RIN3: variants seen among roughly 807,000 people sequenced by gnomAD.
RIN3 encodes the protein RAB5 interacting protein 3.
In RIN3, 54 loss-of-function variants were observed where a neutral mutation model predicts 76.3. That is an observed-to-expected ratio of 0.71 (90% CI 0.57 to 0.89). RIN3 has a LOEUF of 0.89. Ranked by LOEUF, RIN3 falls within the 40% of genes least tolerant of loss-of-function variation. The pLI, the probability that RIN3 is intolerant of heterozygous loss-of-function variation, is 0.00. For missense variants in RIN3, 1,256 were observed against 1,322.1 expected (o/e 0.95, Z 0.78); for synonymous variants, 576 against 564.0 (o/e 1.02, Z -0.30).
At chr14:92,547,975 A>T (rs1897326718) in intron 1 of RIN3, among the ~76,000 whole-genome samples, 1 of 152,288 alleles carries the variant, frequency 6.6e-6, no homozygotes, top group Admixed American at 6.5e-5. Flanking sequence ...AAGTGCTGGG[A>T]TTACAGGCAT....
chr14:92,685,133 T>C lies in RIN3; in HGVS notation c.2614T>C (p.Ser872Pro). 6.2e-7 allele frequency: 1 copy of C among 1,611,574 alleles called. No individual in the cohort carries two copies. Among genetic ancestry groups the C allele is most frequent in the East Asian group, 2.2e-5 (1 of 44,810 alleles). The change falls in exon 9 of 10, where the codon TCC becomes CCC. Residue 872 changes from serine (S) to proline (P), a missense_variant. By Grantham distance (74) the Ser-to-Pro change is moderately conservative (BLOSUM62 -1). Coordinates refer to ENST00000216487, the MANE Select transcript of RIN3 (RefSeq NM_024832.5). This position sits in a 1 kb window ranked among gnomAD's most constrained non-coding sequence, Gnocchi z 4.7. ...GCGTACTCTCAACAAGGCCCGGGCC[T>C]CCCGCTCCTCCGTACAGGTGAGGCC... ...RRRTLNKARASRSSVQDFICV... is the reference protein window; with the variant it reads ...RRRTLNKARAPRSSVQDFICV...
intron 1 of RIN3, among the ~76,000 whole-genome samples, chr14:92,533,606 G>A (rs909920291): frequency 2.0e-5 from 3 of 152,114 alleles, no homozygotes; most frequent in African/African-American, 4.8e-5. Flanking sequence ...TCTAAGTGAA[G>A]TAACTCAGGG....
At position 92,685,429 on chromosome 14, in the gene RIN3, C is replaced by A. The variant is rs1011609842; in HGVS notation, c.2631+279C>A. 1 of 426,930 alleles carries A rather than the reference C, an allele frequency of 2.3e-6. No homozygotes were observed. The highest frequency in any genetic ancestry group is 4.3e-6 in the Non-Finnish European group (1 of 230,902). 26.4% of individuals were successfully genotyped at this position (426,930 alleles called of 1,614,324 possible). ...GAGGAATGAGACACACCCATCATTC[C>A]TTAGCCCCTCCTAGGACCCAGCACC... On this transcript the variant is annotated intron_variant, in intron 9 of 9. Transcript: ENST00000216487. This position sits in a 1 kb window ranked among gnomAD's most constrained non-coding sequence, Gnocchi z 4.7.
At position 92,642,247 on chromosome 14, in the gene RIN3, C is replaced by T. The variant is rs143195095; in HGVS notation, c.532+918C>T. Among the ~76,000 whole-genome samples the T allele has an allele frequency of 4.2e-3, 636 of 152,064 alleles. 5 individuals are homozygous for T. Among genetic ancestry groups the T allele is most frequent in the African/African-American group, 0.015 (601 of 41,446 alleles). ...CCTCCTGAGTAGCTGGGACTATAGGCGCACACCACCATGCCTGGTTAATTT... is the reference window on the plus strand; with the variant it reads ...CCTCCTGAGTAGCTGGGACTATAGGTGCACACCACCATGCCTGGTTAATTT... On this transcript the variant is annotated intron_variant, in intron 5 of 9. Transcript: ENST00000216487.
chr14:92,673,243 GGTGTGCAT>G (rs1888347638), intron 7 of RIN3, among the ~76,000 whole-genome samples: 1 of 152,048 alleles, frequency 6.6e-6, no homozygotes, highest in African/African-American at 2.4e-5. Flanking sequence ...ACTTTTCCAT[GGTGTGCAT>G]GCACCACATT....
chr14:92,682,277 C>G (rs1888695500), intron 8 of RIN3, among the ~76,000 whole-genome samples: 1 of 152,156 alleles, frequency 6.6e-6, no homozygotes, highest in Non-Finnish European at 1.5e-5. Context: ...ACCTACTGGA[C>G]CAGGGTGTGA....
intron 9 of RIN3, chr14:92,687,606 A>G (rs1888910530): frequency 1.0e-5 from 4 of 384,550 alleles, no homozygotes; most frequent in Non-Finnish European, 1.9e-5. Context: ...GGAGGGAGGG[A>G]GGGAGGGAAT....
chr14:92,580,480 G>T (rs1172127601), intron 3 of RIN3, among the ~76,000 whole-genome samples: 1 of 152,272 alleles, frequency 6.6e-6, no homozygotes, highest in Non-Finnish European at 1.5e-5. Flanking sequence ...TTCAGATGGA[G>T]GGAGGGGATG....
chr14:92,558,662 G>T (rs144935093), intron 2 of RIN3, among the ~76,000 whole-genome samples: 7 of 152,288 alleles, frequency 4.6e-5, no homozygotes, highest in Admixed American at 2.0e-4. Flanking sequence ...CCAATAAAAG[G>T]TACATTGTCA....
chr14:92,688,349 A>C lies in RIN3; in HGVS notation c.*97A>C. Reference sequence around the variant, plus strand: ...CGCGACGTCCACGCAGCAGAGGGACATGGGCCATTCCATGACGTGCCCAGG... The same window carrying C: ...CGCGACGTCCACGCAGCAGAGGGACCTGGGCCATTCCATGACGTGCCCAGG... On this transcript the variant is annotated 3_prime_UTR_variant, in exon 10 of 10. Coordinates refer to ENST00000216487, the MANE Select transcript of RIN3 (RefSeq NM_024832.5). The C allele has an allele frequency of 8.3e-7, 1 of 1,205,536 alleles. No individual in the cohort carries two copies. The highest frequency in any genetic ancestry group is 1.1e-6 in the Non-Finnish European group (1 of 889,434). The allele number at this position is 1,205,536 out of a possible 1,614,324, so 74.7% of individuals were successfully genotyped here.
chr14:92,687,661 G>A, intron 9 of RIN3: 1 of 491,084 alleles, frequency 2.0e-6, no homozygotes, highest in Non-Finnish European at 3.6e-6. Context: ...CAGCAGCCAG[G>A]GGACGCGCCG....
chr14:92,539,672 A>G (rs1293976390), intron 1 of RIN3, among the ~76,000 whole-genome samples: 1 of 152,052 alleles, frequency 6.6e-6, no homozygotes. Flanking sequence ...AGGCAGGCTG[A>G]GTCAGTTTAG....
chr14:92,603,070 T>C (rs2140090369), intron 3 of RIN3, among the ~76,000 whole-genome samples: 1 of 152,308 alleles, frequency 6.6e-6, no homozygotes, highest in Middle Eastern at 3.4e-3. Context: ...ACTGCAAGCC[T>C]GCATCGCACT....
chr14:92,543,288 A>G (rs537730440), intron 1 of RIN3, among the ~76,000 whole-genome samples: 3 of 152,148 alleles, frequency 2.0e-5, no homozygotes, highest in African/African-American at 7.2e-5. Context: ...TCATGGCCCT[A>G]TAAAATGTAG....
chr14:92,536,603 A>G (rs1223055856), intron 1 of RIN3, among the ~76,000 whole-genome samples: 4 of 152,026 alleles, frequency 2.6e-5, no homozygotes, highest in Non-Finnish European at 5.9e-5. Context: ...TTAGCTAGGC[A>G]TGGTGGTGGG....
chr14:92,657,374 G>GAA (rs56043062), intron 6 of RIN3, among the ~76,000 whole-genome samples: 36 of 147,710 alleles, frequency 2.4e-4, no homozygotes, highest in Admixed American at 3.4e-4. Flanking sequence ...AAACAAAAAA[G>GAA]AAAAAAAAAA....
At chr14:92,595,056 T>A (rs992760986) in intron 3 of RIN3, among the ~76,000 whole-genome samples, 1 of 152,250 alleles carries the variant, frequency 6.6e-6, no homozygotes, top group Non-Finnish European at 1.5e-5. Context: ...GCTGCATTCA[T>A]TGATAACATA....
chr14:92,627,440 A>T lies in RIN3; in HGVS notation c.440+11961A>T, dbSNP rs200891646. Among the ~76,000 whole-genome samples the T allele has an allele frequency of 5.3e-5, 8 of 152,340 alleles. No homozygotes were observed. The East Asian group carries it at 1.5e-3, about 29-fold the overall frequency. The stretch of plus-strand genomic sequence containing the variant: ...ACAGAACCACAGAACCACAGACAGG[A>T]CCCACTCACCCCGGACAGCAGTAAT... On this transcript the variant is annotated intron_variant, in intron 4 of 9. Transcript: ENST00000216487.
intron 5 of RIN3, among the ~76,000 whole-genome samples, chr14:92,650,758 T>C (rs150318626): frequency 2.0e-5 from 3 of 152,342 alleles, no homozygotes; most frequent in East Asian, 1.9e-4. Flanking sequence ...TGGCAGAGTG[T>C]GGTCCCCACA....
Sources: allele counts gnomAD v4.1 joint callset (sites outside exome capture counted in the v4.1 genomes callset), GRCh38; gene constraint gnomAD v4.1.1; non-coding constraint Gnocchi (gnomAD v3.1); transcripts MANE v1.5; gene names NCBI Gene and HGNC (gene_info 2026-07-23, HGNC 2026-07-21).